DYM: variants seen among roughly 807,000 people sequenced by gnomAD.
DYM encodes dyggve-Melchior-Clausen syndrome protein.
A neutral mutation model predicts 93.1 loss-of-function variants in DYM; 78 were observed. The ratio of observed to expected loss-of-function variants is 0.84; its 90% CI spans 0.70 to 1.01. The LOEUF (loss-of-function observed/expected upper bound fraction) is 1.01, where lower values mean the gene tolerates loss of function less well. DYM is among the 50% of genes least tolerant of loss of function. The pLI is 0.00. For missense variants in DYM, 789 were observed against 845.0 expected (o/e 0.93, Z 0.82); for synonymous variants, 321 against 319.7 (o/e 1.00, Z -0.04).
intron 14 of DYM, among the ~76,000 whole-genome samples, chr18:49,198,763 C>A (rs1346462463): frequency 6.6e-6 from 1 of 151,708 alleles, no homozygotes; most frequent in African/African-American, 2.4e-5. Context: ...AATAGGAACA[C>A]TTTTACACTG....
At chr18:49,064,807 G>T (rs2076256800) in intron 17 of DYM, among the ~76,000 whole-genome samples, 1 of 151,054 alleles carries the variant, frequency 6.6e-6, no homozygotes, top group South Asian at 2.1e-4. Context: ...TTTTTACCAT[G>T]TTCAAAATTG....
intron 14 of DYM, among the ~76,000 whole-genome samples, chr18:49,198,929 G>T (rs1474602086): frequency 1.3e-5 from 2 of 151,806 alleles, no homozygotes. Context: ...ACATGCACAC[G>T]TATGTTTATT....
intron 15 of DYM, among the ~76,000 whole-genome samples, chr18:49,156,938 G>T (rs1285617791): frequency 2.0e-5 from 3 of 151,858 alleles, no homozygotes; most frequent in Non-Finnish European, 4.4e-5. Context: ...CTAAAGTGGG[G>T]TGCCTGGCAC....
At chr18:49,235,788 T>C (rs978491551) in intron 13 of DYM, among the ~76,000 whole-genome samples, 2 of 141,766 alleles carry the variant, frequency 1.4e-5, no homozygotes, top group African/African-American at 2.6e-5. Flanking sequence ...AAAAAAAAAC[T>C]GTGGCTTGAA....
At chr18:49,267,845 C>T (rs1170730583) in intron 11 of DYM, among the ~76,000 whole-genome samples, 1 of 152,192 alleles carries the variant, frequency 6.6e-6, no homozygotes, top group East Asian at 1.9e-4. Flanking sequence ...TTGCAGTGAG[C>T]TGGATCCTGC....
intron 15 of DYM, among the ~76,000 whole-genome samples, chr18:49,153,252 T>G (rs544173074): frequency 5.3e-5 from 8 of 152,304 alleles, no homozygotes; most frequent in East Asian, 1.9e-4. Flanking sequence ...TTATTATGAC[T>G]CATAAACCTG....
At chr18:49,380,739 TTGAC>T (rs2067968653) in intron 3 of DYM, among the ~76,000 whole-genome samples, 2 of 152,216 alleles carry the variant, frequency 1.3e-5, no homozygotes, top group African/African-American at 4.8e-5. Flanking sequence ...AACCTTCCAT[TTGAC>T]TGATGAAGAG....
intron 14 of DYM, among the ~76,000 whole-genome samples, chr18:49,186,978 G>A (rs983947699): frequency 2.0e-5 from 3 of 148,880 alleles, no homozygotes; most frequent in African/African-American, 7.5e-5. Flanking sequence ...GGAGTGCAGT[G>A]GTGCGATCTC....
At chr18:49,380,631 T>C (rs572677081) in intron 3 of DYM, among the ~76,000 whole-genome samples, 1 of 152,308 alleles carries the variant, frequency 6.6e-6, no homozygotes, top group South Asian at 2.1e-4. Context: ...ACCTCTATAA[T>C]CAAGAAATTG....
intron 3 of DYM, among the ~76,000 whole-genome samples, chr18:49,386,754 T>C (rs539929399): frequency 3.4e-4 from 51 of 152,178 alleles, no homozygotes; most frequent in Non-Finnish European, 7.4e-5. Context: ...TCAATAAAAT[T>C]AACATAAACT....
intron 8 of DYM, among the ~76,000 whole-genome samples, chr18:49,300,547 T>C (rs745950885): frequency 6.6e-6 from 1 of 151,858 alleles, no homozygotes; most frequent in Non-Finnish European, 1.5e-5. Flanking sequence ...TTAGAGTAAG[T>C]TGATGTTCGT....
chr18:49,209,344 T>C (rs1031078371), intron 14 of DYM, among the ~76,000 whole-genome samples: 1 of 152,188 alleles, frequency 6.6e-6, no homozygotes, highest in Non-Finnish European at 1.5e-5. Context: ...AGCTTTCCTC[T>C]CTCCCGTGAA....
chr18:49,338,044 T>C (rs1458207820), intron 6 of DYM, among the ~76,000 whole-genome samples: 2 of 152,272 alleles, frequency 1.3e-5, no homozygotes, highest in East Asian at 1.9e-4. Flanking sequence ...ATGTATATAT[T>C]GGAGAAGTTA....
In DYM at chr18:49,333,710, C is replaced by A. The variant is rs1017624097; in HGVS notation, c.620+18G>T. 1.2e-6 allele frequency: 2 copies of A among 1,613,116 alleles called. No individual in the cohort carries two copies. Among genetic ancestry groups the A allele is most frequent in the East Asian group, 4.5e-5 (2 of 44,832 alleles). ...TTATACAATGAAAAAACTAGACATA[C>A]TTAAAGTAGAAACATACCATGGACC... On this transcript the variant is annotated intron_variant, in intron 7 of 17. Coordinates refer to ENST00000675505, the MANE Select transcript of DYM (RefSeq NM_001353214.3).
chr18:49,291,660 C>T (rs918729289), intron 8 of DYM, among the ~76,000 whole-genome samples: 11 of 152,100 alleles, frequency 7.2e-5, no homozygotes, highest in South Asian at 2.1e-4. Context: ...TTTAAGATGA[C>T]TGGGGAACAC....
chr18:49,202,401 T>C (rs1276887492), intron 14 of DYM, among the ~76,000 whole-genome samples: 1 of 150,156 alleles, frequency 6.7e-6, no homozygotes, highest in East Asian at 2.0e-4. Context: ...TTGCAGCCTC[T>C]GCCCGGCCGC....
intron 14 of DYM, among the ~76,000 whole-genome samples, chr18:49,176,271 T>A (rs1000934154): frequency 1.3e-5 from 2 of 152,272 alleles, no homozygotes; most frequent in Non-Finnish European, 2.9e-5. Context: ...TCTGTCAATA[T>A]ACACTCTGGT....
intron 1 of DYM, among the ~76,000 whole-genome samples, chr18:49,437,463 AG>A (rs1241057973): frequency 2.0e-5 from 3 of 152,206 alleles, no homozygotes; most frequent in Non-Finnish European, 2.9e-5. Flanking sequence ...TCATTCTCCA[AG>A]TAATAAAAAA....
intron 11 of DYM, among the ~76,000 whole-genome samples, chr18:49,264,629 A>C (rs1012643130): frequency 6.6e-6 from 1 of 152,122 alleles, no homozygotes; most frequent in Non-Finnish European, 1.5e-5. Context: ...CCGGGTCTCT[A>C]TTCTGTTTTT....
Sources: allele counts gnomAD v4.1 joint callset (sites outside exome capture counted in the v4.1 genomes callset), GRCh38; gene constraint gnomAD v4.1.1; transcripts MANE v1.5; gene names NCBI Gene and HGNC (gene_info 2026-07-23, HGNC 2026-07-21).